The following SLC2A12 variants were observed in gnomAD, a reference collection of about 807,000 sequenced individuals.
SLC2A12 encodes solute carrier family 2, facilitated glucose transporter member 12.
A neutral mutation model predicts 41.8 loss-of-function variants in SLC2A12; 23 were observed. The ratio of observed to expected loss-of-function variants is 0.55; its 90% CI spans 0.40 to 0.78. The LOEUF (loss-of-function observed/expected upper bound fraction) is 0.78, where lower values mean the gene tolerates loss of function less well. SLC2A12 is among the 30% of genes least tolerant of loss of function. The pLI is 0.00. For missense variants in SLC2A12, 654 were observed against 745.6 expected (o/e 0.88, Z 1.43); for synonymous variants, 295 against 285.9 (o/e 1.03, Z -0.32).
chr6:134,033,114 C>T (rs535627090), intron 1 of SLC2A12, among the ~76,000 whole-genome samples: 63 of 151,766 alleles, frequency 4.2e-4, no homozygotes, highest in South Asian at 1.5e-3. Context: ...AGAGGTAGGA[C>T]GGAAAGGGCT....
At chr6:134,032,422 A>T (rs187118956) in intron 1 of SLC2A12, among the ~76,000 whole-genome samples, 9 of 36,486 alleles carry the variant, frequency 2.5e-4, no homozygotes, top group East Asian at 1.8e-3. Flanking sequence ...ATATATATAT[A>T]TATTTATATA....
chr6:134,016,663 C>A (rs142033233), intron 2 of SLC2A12, among the ~76,000 whole-genome samples: 285 of 152,102 alleles, frequency 1.9e-3, no homozygotes, highest in African/African-American at 6.4e-3. Flanking sequence ...TGTTTTTTGT[C>A]AACATCATTA....
intron 4 of SLC2A12, 38 bp downstream of exon 4, chr6:134,001,957 CAA>C (rs1776759010): frequency 1.3e-6 from 2 of 1,583,552 alleles, no homozygotes; most frequent in Non-Finnish European, 1.7e-6. Flanking sequence ...CACTTTTGAC[CAA>C]AGAGTATTGT....
Position 133,988,098 on chromosome 6 carries a change from GC to G in SLC2A12, c.*3056del, listed in dbSNP as rs1477126125. 1 of 152,158 alleles carries G rather than the reference GC, an allele frequency of 6.6e-6. No individual in the cohort carries two copies. Among genetic ancestry groups the G allele is most frequent in the Non-Finnish European group, 1.5e-5 (1 of 68,028 alleles). 9.4% of individuals were successfully genotyped at this position (152,158 alleles called of 1,614,324 possible). A position where few individuals can be genotyped will look rare whatever the true frequency, so the allele number is the denominator to read the frequency against. ...TTTTAACAAGAAGTGCCCATAAGCT[GC>G]CTCTGTGCCACAGTGTAATTATCAA... is the stretch of plus-strand genomic sequence containing the variant. On this transcript the variant is annotated 3_prime_UTR_variant, in exon 5 of 5. Transcript: ENST00000275230.
intron 1 of SLC2A12, among the ~76,000 whole-genome samples, chr6:134,036,176 CTTTTT>C (rs1033569347): frequency 6.6e-6 from 1 of 152,034 alleles, no homozygotes; most frequent in African/African-American, 2.4e-5. Flanking sequence ...TTCTTTTTTT[CTTTTT>C]TTGGCAGGCA....
intron 2 of SLC2A12, among the ~76,000 whole-genome samples, 169 bp downstream of exon 2, chr6:134,028,212 T>G (rs1777139615): frequency 6.6e-6 from 1 of 152,214 alleles, no homozygotes; most frequent in Non-Finnish European, 1.5e-5. Context: ...ATACTAGCCC[T>G]GTACTTTTCA....
chr6:134,044,817 T>C (rs1187786321), intron 1 of SLC2A12, among the ~76,000 whole-genome samples: 7 of 152,130 alleles, frequency 4.6e-5, no homozygotes, highest in Non-Finnish European at 8.8e-5. Context: ...CAATATGTAT[T>C]TGCAGAAGTA....
chr6:134,033,383 C>G (rs1777249323), intron 1 of SLC2A12, among the ~76,000 whole-genome samples: 1 of 152,130 alleles, frequency 6.6e-6, no homozygotes, highest in Non-Finnish European at 1.5e-5. Flanking sequence ...TTAAAATCCT[C>G]AACAATGAAT....
At chr6:134,033,676 A>G (rs918742342) in intron 1 of SLC2A12, among the ~76,000 whole-genome samples, 1 of 152,160 alleles carries the variant, frequency 6.6e-6, no homozygotes, top group Non-Finnish European at 1.5e-5. Flanking sequence ...AGGGGAATCA[A>G]TGCCATAACT....
intron 4 of SLC2A12, among the ~76,000 whole-genome samples, chr6:133,993,920 T>C (rs1382604992): frequency 6.6e-6 from 1 of 152,218 alleles, no homozygotes; most frequent in East Asian, 1.9e-4. Context: ...ATTGGAAGGC[T>C]TCTGCTCTTG....
Position 134,028,607 on chromosome 6 carries a change from G to C in SLC2A12, c.1218C>G (p.Asp406Glu), listed in dbSNP as rs747059002. Residue 406 changes from aspartate (D) to glutamate (E), a missense_variant, in exon 2 of 5, where the codon GAC (aspartate) becomes GAG (glutamate). By Grantham distance (45) the Asp-to-Glu change is conservative. Transcript: ENST00000275230. ...NLSTNNNTLR[D>E]HFKGISSHSR... ...TATGGGAAGAAATCCCTTTGAAGTG[G>C]TCTCTGAGAGTATTGTTGTTGGTTG... 1.9e-6 allele frequency: 3 copies of C among 1,614,182 alleles called. No individual in the cohort carries two copies.
At chr6:134,012,848 G>A (rs1466928953) in intron 2 of SLC2A12, among the ~76,000 whole-genome samples, 2 of 152,118 alleles carry the variant, frequency 1.3e-5, no homozygotes, top group African/African-American at 4.8e-5. Context: ...GTGCATGCCT[G>A]TAGTCCTAGC....
intron 2 of SLC2A12, among the ~76,000 whole-genome samples, chr6:134,017,643 G>C (rs1776979193): frequency 6.6e-6 from 1 of 152,036 alleles, no homozygotes; most frequent in African/African-American, 2.4e-5. Flanking sequence ...ACAAGGTCAG[G>C]AGATCGAGAC....
At chr6:134,029,840 C>A (rs1195880813) in intron 1 of SLC2A12, 119 bp from the exon 2 acceptor site, 3 of 1,222,324 alleles carry the variant, frequency 2.5e-6, no homozygotes, top group Non-Finnish European at 3.3e-6. Flanking sequence ...TAAACGAACA[C>A]ACAATTATGA....
At chr6:134,002,245 T>A in intron 3 of SLC2A12, 116 bp from the exon 4 acceptor site, 2 of 1,119,812 alleles carry the variant, frequency 1.8e-6, no homozygotes, top group Non-Finnish European at 1.3e-6. Context: ...ATGCCAGCAG[T>A]ATCCAGGAAA....
At chr6:134,037,065 G>A (rs1166372306) in intron 1 of SLC2A12, among the ~76,000 whole-genome samples, 1 of 151,526 alleles carries the variant, frequency 6.6e-6, no homozygotes, top group East Asian at 1.9e-4. Context: ...TTCTTTCCCA[G>A]GTCTGTGCTG....
Position 133,991,009 on chromosome 6 carries a change from A to C in SLC2A12, c.*146T>G, listed in dbSNP as rs1274094433. ...TCCTTCTGGGGAGGAGGGGGATTAAAGGCTGTCTTTATCATTTCAGAGTGT... is the reference window on the plus strand; with the variant it reads ...TCCTTCTGGGGAGGAGGGGGATTAACGGCTGTCTTTATCATTTCAGAGTGT... On this transcript the variant is annotated 3_prime_UTR_variant, in exon 5 of 5. Coordinates refer to ENST00000275230, the MANE Select transcript of SLC2A12 (RefSeq NM_145176.3). 2.2e-6 allele frequency: 2 copies of C among 919,816 alleles called. No individual in the cohort carries two copies. Among genetic ancestry groups the C allele is most frequent in the Non-Finnish European group, 3.2e-6 (2 of 633,786 alleles). 57.0% of individuals were successfully genotyped at this position (919,816 alleles called of 1,614,324 possible).
chr6:134,005,496 A>G (rs547395041), intron 3 of SLC2A12, among the ~76,000 whole-genome samples: 2 of 151,478 alleles, frequency 1.3e-5, no homozygotes, highest in Non-Finnish European at 2.9e-5. Context: ...CATCTCTACT[A>G]AAAATACAAA....
chr6:134,031,423 A>G (rs1777205014), intron 1 of SLC2A12, among the ~76,000 whole-genome samples: 1 of 110,522 alleles, frequency 9.0e-6, no homozygotes, highest in African/African-American at 3.7e-5. Flanking sequence ...AACAAACAAC[A>G]AACAAAAAAA....
Sources: gnomAD v4.1 joint callset for allele counts (sites outside exome capture counted in the v4.1 genomes callset) on GRCh38, gnomAD v4.1.1 for gene constraint, MANE v1.5 for transcripts, NCBI Gene and HGNC (gene_info 2026-07-23, HGNC 2026-07-21) for gene names.